Variants in RALGAPA2 observed in about 807,000 individuals in gnomAD.
RALGAPA2 encodes the protein Ral GTPase activating protein catalytic subunit alpha 2, also known as ral GTPase-activating protein subunit alpha-2.
RALGAPA2 carries 139 observed loss-of-function variants against 230.4 expected under a neutral mutation model. The ratio of observed to expected loss-of-function variants is 0.60; its 90% CI spans 0.53 to 0.69. The LOEUF (loss-of-function observed/expected upper bound fraction) is 0.69, where lower values mean the gene tolerates loss of function less well. RALGAPA2 is among the 30% of genes least tolerant of loss of function. The pLI, the probability that RALGAPA2 is intolerant of heterozygous loss-of-function variation, is 0.00. For missense variants in RALGAPA2, 2,163 were observed against 2,276.0 expected (o/e 0.95, Z 1.01); for synonymous variants, 847 against 837.8 (o/e 1.01, Z -0.19).
At chr20:20,499,168 T>C (rs2062299195) in intron 35 of RALGAPA2, among the ~76,000 whole-genome samples, 1 of 152,190 alleles carries the variant, frequency 6.6e-6, no homozygotes, top group South Asian at 2.1e-4. Context: ...GTGAGACATC[T>C]GATAAAGAGA....
intron 26 of RALGAPA2, among the ~76,000 whole-genome samples, chr20:20,534,100 C>G (rs1482509051): frequency 6.6e-6 from 1 of 151,950 alleles, no homozygotes; most frequent in African/African-American, 2.4e-5. Flanking sequence ...ATACACAAAA[C>G]GTGTCAGAGA....
intron 37 of RALGAPA2, among the ~76,000 whole-genome samples, chr20:20,434,565 C>T (rs1204210577): frequency 1.3e-5 from 2 of 152,122 alleles, no homozygotes; most frequent in African/African-American, 4.8e-5. Flanking sequence ...GAGATGACCA[C>T]GTTCTGCATG....
In RALGAPA2 at chr20:20,437,278, C is replaced by T. The variant is rs2060636037; in HGVS notation, c.5496-25130G>A. Among the ~76,000 whole-genome samples the T allele has an allele frequency of 6.6e-6, 1 of 152,170 alleles. No individual in the cohort carries two copies. The highest frequency in any genetic ancestry group is 2.4e-5 in the African/African-American group (1 of 41,438). ...GCACACATGACTCTGCACCCTCTGA[C>T]ATGCCACGTCTCATCTGGCCACAAA... On this transcript the variant is annotated intron_variant, in intron 37 of 39. Transcript: ENST00000202677. The surrounding 1 kb of genome is among the most constrained non-coding windows in gnomAD (Gnocchi z 4.1).
intron 37 of RALGAPA2, among the ~76,000 whole-genome samples, chr20:20,424,906 T>G (rs2122896883): frequency 6.6e-6 from 1 of 152,024 alleles, no homozygotes; most frequent in African/African-American, 2.4e-5. Context: ...ACACATGAAT[T>G]GTAAACTCTG....
chr20:20,549,940 C>T (rs1172089452), intron 23 of RALGAPA2, among the ~76,000 whole-genome samples: 1 of 152,176 alleles, frequency 6.6e-6, no homozygotes. Flanking sequence ...ATCTCCCTGT[C>T]CAAAGTGAAC....
rs781146002 is a variant in RALGAPA2, at chr20:20,489,398, G to A, written c.5367+5719C>T. ...GTTGCCAGGTTCAAATAAGAAATAAGAAAATAAGAAAGAATAACCCTTTCT... is the reference window on the plus strand; with the variant it reads ...GTTGCCAGGTTCAAATAAGAAATAAAAAAATAAGAAAGAATAACCCTTTCT... On this transcript the variant is annotated intron_variant, in intron 36 of 39. Transcript: ENST00000202677. Among the ~76,000 whole-genome samples the A allele has an allele frequency of 5.9e-5, 9 of 151,932 alleles. No homozygotes were observed. In the East Asian group the frequency reaches 1.7e-3, roughly 29 times the overall value.
intron 36 of RALGAPA2, among the ~76,000 whole-genome samples, chr20:20,490,756 G>A (rs1415251256): frequency 1.3e-5 from 2 of 152,030 alleles, no homozygotes; most frequent in African/African-American, 4.8e-5. Context: ...AAATGCTCTT[G>A]TAACTTCTGG....
chr20:20,665,395 G>A (rs1163683067), intron 3 of RALGAPA2, among the ~76,000 whole-genome samples: 5 of 152,186 alleles, frequency 3.3e-5, no homozygotes, highest in African/African-American at 1.2e-4. Context: ...CACCTGGACT[G>A]CAACAGATAA....
chr20:20,657,211 C>A (rs2067618650), intron 3 of RALGAPA2, among the ~76,000 whole-genome samples: 1 of 152,182 alleles, frequency 6.6e-6, no homozygotes, highest in Non-Finnish European at 1.5e-5. Context: ...GACCACGAGG[C>A]AGAGCTGACA....
At chr20:20,659,587 A>G (rs2067700727) in intron 3 of RALGAPA2, 1 of 248,538 alleles carries the variant, frequency 4.0e-6, no homozygotes, top group South Asian at 5.3e-5. Context: ...AGTGAGCTAT[A>G]TTTACATAAT....
chr20:20,449,822 C>T (rs1235333983), intron 37 of RALGAPA2, among the ~76,000 whole-genome samples: 2 of 152,130 alleles, frequency 1.3e-5, no homozygotes, highest in African/African-American at 4.8e-5. Flanking sequence ...TTATGTCTTC[C>T]AACTTATACA....
intron 37 of RALGAPA2, among the ~76,000 whole-genome samples, chr20:20,427,972 T>A (rs918021433): frequency 1.3e-5 from 2 of 152,124 alleles, no homozygotes; most frequent in African/African-American, 2.4e-5. Flanking sequence ...CAGAAGGAAT[T>A]CAGGTTAAAA....
chr20:20,561,751 T>C (rs1323515352), intron 23 of RALGAPA2, among the ~76,000 whole-genome samples: 5 of 152,234 alleles, frequency 3.3e-5, no homozygotes, highest in Non-Finnish European at 7.3e-5. Flanking sequence ...TGTCATTTAA[T>C]TTATATTACC....
At chr20:20,618,038 AT>A (rs902606103) in intron 12 of RALGAPA2, among the ~76,000 whole-genome samples, 23 of 152,308 alleles carry the variant, frequency 1.5e-4, no homozygotes, top group Admixed American at 1.2e-3. Context: ...TTTTTTTCTC[AT>A]GAACATTATG....
chr20:20,526,507 CCA>C (rs2063208345), intron 27 of RALGAPA2, 145 bp from the exon 28 acceptor site: 1 of 584,416 alleles, frequency 1.7e-6, no homozygotes, highest in East Asian at 3.0e-5. Flanking sequence ...TGTCCTATTA[CCA>C]CAGAGTTTAG....
chr20:20,566,879 T>C (rs2064444986), intron 23 of RALGAPA2, among the ~76,000 whole-genome samples: 1 of 152,228 alleles, frequency 6.6e-6, no homozygotes, highest in South Asian at 2.1e-4. Flanking sequence ...AATATGTTAC[T>C]TCAGGGCAGA....
chr20:20,426,651 G>A (rs1370102242), intron 37 of RALGAPA2, among the ~76,000 whole-genome samples: 4 of 152,280 alleles, frequency 2.6e-5, no homozygotes, highest in Non-Finnish European at 5.9e-5. Flanking sequence ...TTCAGGCATC[G>A]TCACTGACAT....
At chr20:20,523,416 C>T (rs369849269) in intron 30 of RALGAPA2, among the ~76,000 whole-genome samples, 9 of 152,178 alleles carry the variant, frequency 5.9e-5, no homozygotes, top group East Asian at 1.9e-4. Flanking sequence ...TGAGGCAAAA[C>T]GATTATTAAG....
At chr20:20,418,117 T>C (rs6046842) in intron 37 of RALGAPA2, among the ~76,000 whole-genome samples, 100,564 of 152,052 alleles carry the variant, frequency 0.66, 33,409 homozygotes, top group African/African-American at 0.74. Flanking sequence ...GGAGGAAGCA[T>C]CTGCGACTCA....
Sources: gnomAD v4.1 joint callset for allele counts (sites outside exome capture counted in the v4.1 genomes callset) on GRCh38, gnomAD v4.1.1 for gene constraint, Gnocchi (gnomAD v3.1) non-coding constraint, MANE v1.5 for transcripts, NCBI Gene and HGNC (gene_info 2026-07-23, HGNC 2026-07-21) for gene names.